Variants in ABCA13 observed in about 807,000 individuals in gnomAD.
ABCA13 encodes ATP binding cassette subfamily A member 13.
Under a neutral mutation model 478.7 loss-of-function variants are expected in ABCA13, and 476 were observed. That is an observed-to-expected ratio of 0.99 (90% CI 0.92 to 1.07). ABCA13 has a LOEUF of 1.07. ABCA13 is among the 50% of genes least tolerant of loss of function. ABCA13 has a pLI of 0.00. For synonymous variants in ABCA13, 2,252 were observed against 2,158.9 expected (o/e 1.04, Z -1.20); for missense variants, 6,060 against 5,910.6 (o/e 1.03, Z -0.83).
In ABCA13 at chr7:48,367,781, T is replaced by C; in HGVS notation, c.10689-13T>C. The C allele has an allele frequency of 1.3e-6, 2 of 1,545,182 alleles. No individual in the cohort carries two copies. The highest frequency in any genetic ancestry group is 1.4e-5 in the African/African-American group (1 of 73,252). On this transcript the variant is annotated splice_polypyrimidine_tract_variant and intron_variant, in intron 31 of 61. Coordinates refer to ENST00000435803, the MANE Select transcript of ABCA13 (RefSeq NM_152701.5). ...GCTTGTCTCCGGATGCTGACTGAAT[T>C]ATCCCCTTACAGATTCCTGAACAAC...
At chr7:48,631,270 C>A (rs1014397389) in intron 59 of ABCA13, among the ~76,000 whole-genome samples, 8 of 151,970 alleles carry the variant, frequency 5.3e-5, no homozygotes, top group African/African-American at 1.9e-4. Context: ...AGATTTTCTT[C>A]TATGATTTTT....
intron 1 of ABCA13, among the ~76,000 whole-genome samples, chr7:48,177,972 A>C (rs1489637276): frequency 3.3e-5 from 5 of 152,170 alleles, no homozygotes; most frequent in Admixed American, 1.3e-4. Flanking sequence ...GTTTGCTAAG[A>C]GCAGTGATCT....
intron 59 of ABCA13, among the ~76,000 whole-genome samples, chr7:48,615,600 C>CT (rs34488064): frequency 0.45 from 67,945 of 151,892 alleles, 16,367 homozygotes; most frequent in African/African-American, 0.62. Context: ...AGACATTTTG[C>CT]TTTTCTCTTG....
At chr7:48,259,022 G>A (rs1793803346) in intron 15 of ABCA13, among the ~76,000 whole-genome samples, 1 of 151,710 alleles carries the variant, frequency 6.6e-6, no homozygotes, top group South Asian at 2.1e-4. Context: ...TGTTTTTATG[G>A]CCAATAATGT....
intron 59 of ABCA13, among the ~76,000 whole-genome samples, chr7:48,628,671 G>T (rs935187641): frequency 2.6e-5 from 4 of 152,154 alleles, no homozygotes; most frequent in Non-Finnish European, 4.4e-5. Flanking sequence ...GTCTATCTCT[G>T]CCCAGTAGCA....
chr7:48,470,894 A>T lies in ABCA13; in HGVS notation c.12906-636A>T, dbSNP rs148611326. On this transcript the variant is annotated intron_variant, in intron 44 of 61. Transcript: ENST00000435803. ...TTTCTTCCTCCTTTTCCAATTTTTGAGTAATTAAGAGTAATTATCATTACT... is the reference window on the plus strand; with the variant it reads ...TTTCTTCCTCCTTTTCCAATTTTTGTGTAATTAAGAGTAATTATCATTACT... Among the ~76,000 whole-genome samples, 673 of 152,314 alleles carry T rather than the reference A, an allele frequency of 4.4e-3. 9 individuals carry two copies. Among genetic ancestry groups the T allele is most frequent in the African/African-American group, 0.015 (627 of 41,550 alleles).
chr7:48,296,669 A>AGCCAGGATGGTCTCCATCTCCT (rs1799422929), intron 21 of ABCA13, among the ~76,000 whole-genome samples: 1 of 151,968 alleles, frequency 6.6e-6, no homozygotes, highest in Non-Finnish European at 1.5e-5. Flanking sequence ...TCACCGTGTT[A>AGCCAGGATGGTCTCCATCTCCT]GCCAGGATGG....
At chr7:48,481,312 GT>G (rs1311414234) in intron 46 of ABCA13, among the ~76,000 whole-genome samples, 158 bp downstream of exon 46, 30 of 152,156 alleles carry the variant, frequency 2.0e-4, no homozygotes, top group African/African-American at 6.5e-4. Context: ...CTGTGTCCAT[GT>G]TTTTACATTG....
chr7:48,290,987 C>G (rs920127890), intron 20 of ABCA13, among the ~76,000 whole-genome samples: 1 of 139,276 alleles, frequency 7.2e-6, no homozygotes, highest in South Asian at 2.4e-4. Flanking sequence ...AAGAAAAAAG[C>G]AGAGTGTGAA....
chr7:48,361,110 A>AG (rs1186636121), intron 31 of ABCA13, among the ~76,000 whole-genome samples: 1 of 151,468 alleles, frequency 6.6e-6, no homozygotes, highest in Non-Finnish European at 1.5e-5. Context: ...AAAAAAAAAA[A>AG]GACAAGAAAA....
chr7:48,593,727 A>C (rs1301922050), intron 57 of ABCA13, among the ~76,000 whole-genome samples: 1 of 138,766 alleles, frequency 7.2e-6, no homozygotes, highest in Non-Finnish European at 1.6e-5. Flanking sequence ...GTTTGGGAGC[A>C]TTTTTTTTTT....
At chr7:48,177,906 G>C in intron 1 of ABCA13, among the ~76,000 whole-genome samples, 1 of 152,238 alleles carries the variant, frequency 6.6e-6, no homozygotes, top group East Asian at 1.9e-4. Flanking sequence ...TGAACCCTGG[G>C]AGGAAACTGC....
chr7:48,248,485 C>G (rs1232681971), intron 14 of ABCA13, 41 bp downstream of exon 14: 2 of 1,457,072 alleles, frequency 1.4e-6, no homozygotes. Context: ...ACAATTGGGA[C>G]ATCAGAATGA....
intron 45 of ABCA13, among the ~76,000 whole-genome samples, chr7:48,478,302 T>TG (rs1254592094): frequency 3.5e-5 from 5 of 142,332 alleles, no homozygotes; most frequent in African/African-American, 7.8e-5. Flanking sequence ...TTTATATATA[T>TG]ATATATATAA....
At chr7:48,607,716 G>T (rs1791611499) in intron 58 of ABCA13, among the ~76,000 whole-genome samples, 1 of 152,082 alleles carries the variant, frequency 6.6e-6, no homozygotes, top group Non-Finnish European at 1.5e-5. Flanking sequence ...TTAGATAATT[G>T]TAGCAGGTCT....
intron 15 of ABCA13, among the ~76,000 whole-genome samples, chr7:48,258,401 T>A (rs183537292): frequency 2.4e-4 from 37 of 151,920 alleles, no homozygotes; most frequent in Middle Eastern, 3.4e-3. Context: ...TTGAGGCTTT[T>A]AAAAAAAAAT....
At chr7:48,520,399 G>A in intron 53 of ABCA13, 105 bp downstream of exon 53, 2 of 1,316,446 alleles carry the variant, frequency 1.5e-6, no homozygotes, top group Non-Finnish European at 2.0e-6. Context: ...TATCTGATCA[G>A]CATTATACAT....
intron 20 of ABCA13, among the ~76,000 whole-genome samples, chr7:48,292,724 G>T (rs949717864): frequency 7.9e-5 from 12 of 152,236 alleles, no homozygotes; most frequent in Admixed American, 6.5e-4. Context: ...CCTTCCTCTT[G>T]CACCTCCAGC....
At chr7:48,237,927 T>C (rs998165200) in intron 8 of ABCA13, among the ~76,000 whole-genome samples, 18 of 152,240 alleles carry the variant, frequency 1.2e-4, no homozygotes, top group Middle Eastern at 3.2e-3. Flanking sequence ...CATGGTATTG[T>C]TGATTATTTT....
Sources: allele counts gnomAD v4.1 joint callset (sites outside exome capture counted in the v4.1 genomes callset), GRCh38; gene constraint gnomAD v4.1.1; transcripts MANE v1.5; gene names NCBI Gene and HGNC (gene_info 2026-07-23, HGNC 2026-07-21).